Variants in SDSL observed in about 807,000 individuals in gnomAD.
SDSL encodes the protein serine dehydratase-like.
Under a neutral mutation model 27.6 loss-of-function variants are expected in SDSL, and 26 were observed. That is an observed-to-expected ratio of 0.94 (90% CI 0.69 to 1.31). SDSL has a LOEUF of 1.31. Among genes scored for constraint, SDSL ranks in the 50% most tolerant of loss-of-function variants. SDSL has a pLI of 0.00. For synonymous variants in SDSL, 196 were observed against 180.6 expected (o/e 1.09, Z -0.69); for missense variants, 431 against 423.5 (o/e 1.02, Z -0.16).
chr12:113,434,175 G>T lies in SDSL; in HGVS notation c.396G>T (p.Lys132Asn), dbSNP rs750660746. ...EANLRAQELAKRDGWENVPPF... is the reference protein window; with the variant it reads ...EANLRAQELANRDGWENVPPF... ...ATCTGAGGGCGCAAGAGTTGGCCAA[G>T]AGGGACGGCTGGGAGAATGTCCCCC... Residue 132 changes from lysine (K) to asparagine (N), a missense_variant, in exon 5 of 8, where the codon AAG (lysine) becomes AAT (asparagine). By Grantham distance (94) the Lys-to-Asn change is moderately conservative. Coordinates refer to ENST00000403593, the MANE Select transcript of SDSL (RefSeq NM_001304993.2). 43 of 1,613,716 alleles carry T rather than the reference G, an allele frequency of 2.7e-5. No individual in the cohort carries two copies. Among genetic ancestry groups the T allele is most frequent in the Non-Finnish European group, 3.5e-5 (41 of 1,179,814 alleles).
intron 1 of SDSL, among the ~76,000 whole-genome samples, chr12:113,427,472 C>A (rs781362683): frequency 6.6e-6 from 1 of 152,238 alleles, no homozygotes; most frequent in African/African-American, 2.4e-5. Context: ...CCATAACAAA[C>A]GTTTTTACAA....
At chr12:113,433,099 C>T (rs1957954449) in intron 4 of SDSL, among the ~76,000 whole-genome samples, 1 of 152,172 alleles carries the variant, frequency 6.6e-6, no homozygotes, top group Non-Finnish European at 1.5e-5. Context: ...CAAACTGCTT[C>T]CTATTGGAGC....
chr12:113,429,278 C>T lies in SDSL; in HGVS notation c.333C>T (p.Ala111=), dbSNP rs758385489. The T allele has an allele frequency of 1.4e-5, 23 of 1,611,352 alleles. No homozygotes were observed. Among genetic ancestry groups the T allele is most frequent in the African/African-American group, 5.3e-5 (4 of 74,796 alleles). ...TGCAGAGGCTGCAGGGGGAGGGGGCCGAGGTTCAGCTGACTGGAAAGGTAA... is the reference window on the plus strand; with the variant it reads ...TGCAGAGGCTGCAGGGGGAGGGGGCTGAGGTTCAGCTGACTGGAAAGGTAA... ...QVVQRLQGEG[A]EVQLTGKVWD... Residue 111 remains alanine (A), a synonymous_variant, in exon 4 of 8, where the codon GCC becomes GCT. Coordinates refer to ENST00000403593, the MANE Select transcript of SDSL (RefSeq NM_001304993.2).
chr12:113,435,746 G>T (rs112917959), intron 6 of SDSL, among the ~76,000 whole-genome samples, 190 bp downstream of exon 6: 9,948 of 152,256 alleles, frequency 0.065, 970 homozygotes, highest in African/African-American at 0.21. Context: ...TATGATTCAT[G>T]TAAACCTAAT....
intron 1 of SDSL, among the ~76,000 whole-genome samples, chr12:113,426,634 A>T (rs1957854264): frequency 6.6e-6 from 1 of 152,202 alleles, no homozygotes; most frequent in African/African-American, 2.4e-5. Flanking sequence ...CCATATGGTT[A>T]CATATAAAAA....
Position 113,438,254 on chromosome 12 carries a change from C to T in SDSL, c.*175C>T. The T allele has an allele frequency of 1.9e-6, 1 of 522,156 alleles. No homozygotes were observed. Among genetic ancestry groups the T allele is most frequent in the Non-Finnish European group, 3.4e-6 (1 of 297,522 alleles). The allele number at this position is 522,156 out of a possible 1,614,324, so 32.3% of individuals were successfully genotyped here. A position where few individuals can be genotyped will look rare whatever the true frequency, so the allele number is the denominator to read the frequency against. On this transcript the variant is annotated 3_prime_UTR_variant, in exon 8 of 8. Transcript: ENST00000403593. ...TCTTTTGGCTCTCCGACAACTCCGG[C>T]CAATAAACACTTTCTGAATTGAGTT...
intron 4 of SDSL, among the ~76,000 whole-genome samples, chr12:113,433,724 T>C (rs1957959670): frequency 6.6e-6 from 1 of 152,178 alleles, no homozygotes; most frequent in Non-Finnish European, 1.5e-5. Flanking sequence ...GGCCATCAGC[T>C]GGGCCATTGC....
Position 113,431,929 on chromosome 12 carries a change from G to A in SDSL, c.355-2205G>A, listed in dbSNP as rs992882102. Among the ~76,000 whole-genome samples, 190 of 95,228 alleles carry A rather than the reference G, an allele frequency of 2.0e-3. 2 individuals carry two copies. Among genetic ancestry groups the A allele is most frequent in the African/African-American group, 7.2e-3 (184 of 25,650 alleles). The allele number at this position is 95,228 out of a possible 152,430, so 62.5% of individuals were successfully genotyped here. A position where few individuals can be genotyped will look rare whatever the true frequency, so the allele number is the denominator to read the frequency against. On this transcript the variant is annotated intron_variant, in intron 4 of 7. Transcript: ENST00000403593. The stretch of plus-strand genomic sequence containing the variant: ...CCTGGCTATTTTTTTTTTTTTTTTT[G>A]TATTTTTAGTAGAGACAGGATTTCA...
At chr12:113,428,535 G>C in intron 3 of SDSL, 76 bp downstream of exon 3, 1 of 1,371,982 alleles carries the variant, frequency 7.3e-7, no homozygotes, top group Non-Finnish European at 1.0e-6. Context: ...TACACATCCA[G>C]GGTTGGTCTC....
Position 113,435,573 on chromosome 12 carries a change from G to C in SDSL, c.671+17G>C. 4 of 1,601,570 alleles carry C rather than the reference G, an allele frequency of 2.5e-6. No homozygotes were observed. The highest frequency in any genetic ancestry group is 3.4e-6 in the Non-Finnish European group (4 of 1,170,732). On this transcript the variant is annotated intron_variant, in intron 6 of 7. Transcript: ENST00000403593. ...CATCACCAGGTGGGTAAGGGCTGGGGACATTTGTAGGGGCTGGAGGGTGGG... is the reference window on the plus strand; with the variant it reads ...CATCACCAGGTGGGTAAGGGCTGGGCACATTTGTAGGGGCTGGAGGGTGGG...
chr12:113,424,108 C>T (rs956799942), intron 1 of SDSL, among the ~76,000 whole-genome samples: 6 of 152,212 alleles, frequency 3.9e-5, no homozygotes, highest in African/African-American at 1.2e-4. Flanking sequence ...ACCGCAACCT[C>T]GCCTCTCAGG....
chr12:113,438,015 G>A lies in SDSL; in HGVS notation c.926G>A (p.Cys309Tyr), dbSNP rs897596505. The change falls in exon 8 of 8, where the codon TGT becomes TAT. Residue 309 changes from cysteine to tyrosine, a missense_variant. By Grantham distance (194) the Cys-to-Tyr change is radical (BLOSUM62 -2). Coordinates refer to ENST00000403593, the MANE Select transcript of SDSL (RefSeq NM_001304993.2). ...CTGACTTCAGTTGTGGTAATCGTGT[G>A]TGGAGGCAACAACATCAACAGCCGA... is the stretch of plus-strand genomic sequence containing the variant. ...PSLTSVVVIVCGGNNINSREL... is the reference protein window; with the variant it reads ...PSLTSVVVIVYGGNNINSREL... 3.1e-6 allele frequency: 5 copies of A among 1,614,094 alleles called. No individual in the cohort carries two copies. The African/African-American group carries it at 6.7e-5, about 22-fold the overall frequency.
intron 1 of SDSL, chr12:113,426,010 ACCACCACCACCT>A (rs993116020): frequency 3.2e-5 from 12 of 380,740 alleles, no homozygotes; most frequent in Non-Finnish European, 6.4e-5. Context: ...CACCACCAAC[ACCACCACCACCT>A]CCACCACCAC....
In SDSL at chr12:113,436,258, G is replaced by C. The variant is rs559380700; in HGVS notation, c.672-493G>C. ...ACATCTGCAAAGACTCTATTTCCGAGTAAGATCACATTTTGAGGTTCTTGG... is the reference window on the plus strand; with the variant it reads ...ACATCTGCAAAGACTCTATTTCCGACTAAGATCACATTTTGAGGTTCTTGG... On this transcript the variant is annotated intron_variant, in intron 6 of 7. Transcript: ENST00000403593. 2.3e-4 allele frequency among the ~76,000 whole-genome samples: 34 copies of C among 151,020 alleles called. 1 individual carries two copies. Among genetic ancestry groups the C allele is most frequent in the Middle Eastern group, 6.8e-3 (2 of 294 alleles).
At chr12:113,436,692 T>A (rs11833132) in intron 6 of SDSL, 59 bp from the exon 7 acceptor site, 84,547 of 1,483,608 alleles carry the variant, frequency 0.057, 3,800 homozygotes, top group African/African-American at 0.23. Flanking sequence ...GAGAGACCTG[T>A]TTCACCAGCT....
intron 3 of SDSL, among the ~76,000 whole-genome samples, chr12:113,428,880 G>A (rs1957884364): frequency 6.6e-6 from 1 of 151,896 alleles, no homozygotes; most frequent in African/African-American, 2.4e-5. Context: ...TAGGGAAAAG[G>A]GAGCACCCCT....
intron 7 of SDSL, chr12:113,437,125 G>A (rs1443301791): frequency 3.7e-6 from 1 of 268,072 alleles, no homozygotes; most frequent in Non-Finnish European, 7.0e-6. Flanking sequence ...CTCCCTATTG[G>A]TTTGATGTGA....
Position 113,428,044 on chromosome 12 carries a change from T to G in SDSL, c.62T>G (p.Leu21Trp), listed in dbSNP as rs1957870809. The change falls in exon 2 of 8, where the codon TTG becomes TGG. Residue 21 changes from leucine to tryptophan, a missense_variant. Transcript: ENST00000403593. The part of the protein sequence containing the change: ...QEPFHVVTPL[L>W]ESWALSQVAG... ...CCCTTTCACGTGGTCACACCTCTGT[T>G]GGAGAGCTGGGCGCTGTCCCAGGTG... 1.9e-6 allele frequency: 3 copies of G among 1,613,972 alleles called. No individual in the cohort carries two copies. The highest frequency in any genetic ancestry group is 2.5e-6 in the Non-Finnish European group (3 of 1,179,956).
rs1364118827 is a variant in SDSL at position 113,436,843 on chromosome 12, C to T, written c.764C>T (p.Thr255Ile). Reference sequence around the variant, plus strand: ...ATTCACTCTGAAGTGGTGGAGGACACCGAGGCTGTGAGCGCTGTGCAGCAG... The same window carrying T: ...ATTCACTCTGAAGTGGTGGAGGACATCGAGGCTGTGAGCGCTGTGCAGCAG... The part of the protein sequence containing the change: ...CKIHSEVVED[T>I]EAVSAVQQLL... The change falls in exon 7 of 8, where the codon ACC becomes ATC. Residue 255 changes from threonine (T) to isoleucine (I), a missense_variant. Physicochemically the swap from Thr to Ile is moderately conservative, Grantham distance 89. Coordinates refer to ENST00000403593, the MANE Select transcript of SDSL (RefSeq NM_001304993.2). The T allele has an allele frequency of 5.6e-6, 9 of 1,611,114 alleles. No individual in the cohort carries two copies. Among genetic ancestry groups the T allele is most frequent in the Non-Finnish European group, 5.9e-6 (7 of 1,179,380 alleles).
Sources: allele counts gnomAD v4.1 joint callset (sites outside exome capture counted in the v4.1 genomes callset), GRCh38; gene constraint gnomAD v4.1.1; transcripts MANE v1.5; gene names NCBI Gene and HGNC (gene_info 2026-07-23, HGNC 2026-07-21).